Variants in TUSC3 observed in about 807,000 individuals in gnomAD.
TUSC3 encodes the protein dolichyl-diphosphooligosaccharide--protein glycosyltransferase subunit TUSC3.
In TUSC3, 45 loss-of-function variants were observed where a neutral mutation model predicts 44.8. The ratio of observed to expected loss-of-function variants is 1.00; its 90% CI spans 0.79 to 1.29. TUSC3 has a LOEUF of 1.29. Ranked by LOEUF, TUSC3 falls within the 50% of genes most tolerant of loss-of-function variation. TUSC3 has a pLI of 0.00. For synonymous variants in TUSC3, 212 were observed against 152.9 expected, an observed-to-expected ratio of 1.39 and a Z score of -2.85; for missense variants, 519 against 437.9, an observed-to-expected ratio of 1.19 and a Z score of -1.65.
At chr8:15,844,416 CAAAT>C in the TUSC3 span, among the ~76,000 whole-genome samples, 1 of 151,928 alleles carries the variant, frequency 6.6e-6, no homozygotes, top group Admixed American at 6.6e-5. Context: ...GAAAAATAAA[CAAAT>C]AATATGTGGC....
the TUSC3 span, among the ~76,000 whole-genome samples, chr8:15,798,803 T>C: frequency 1.3e-5 from 2 of 152,180 alleles, no homozygotes; most frequent in Admixed American, 1.3e-4. Flanking sequence ...CACTTTAATG[T>C]GGGACACCTG....
At chr8:15,621,314 C>G (rs946622837) in intron 1 of TUSC3, among the ~76,000 whole-genome samples, 5 of 151,314 alleles carry the variant, frequency 3.3e-5, no homozygotes, top group African/African-American at 7.3e-5. Context: ...AAGGCAAAAA[C>G]TATTAAATGG....
the TUSC3 span, among the ~76,000 whole-genome samples, chr8:15,844,488 G>A: frequency 6.6e-6 from 1 of 152,102 alleles, no homozygotes; most frequent in East Asian, 1.9e-4. Flanking sequence ...AAAGAGTTAT[G>A]ATGAACCCAA....
At chr8:15,506,196 T>C (rs1801047913) in intron 2 of TUSC3, among the ~76,000 whole-genome samples, 1 of 152,100 alleles carries the variant, frequency 6.6e-6, no homozygotes, top group Non-Finnish European at 1.5e-5. Context: ...AATAAAGGCC[T>C]CCAAAGCAGC....
chr8:15,815,476 T>A, the TUSC3 span, among the ~76,000 whole-genome samples: 4 of 151,996 alleles, frequency 2.6e-5, no homozygotes, highest in Non-Finnish European at 4.4e-5. Context: ...CTATTAGGAG[T>A]TATTAAAACT....
intron 1 of TUSC3, among the ~76,000 whole-genome samples, chr8:15,618,971 A>G (rs1029811012): frequency 5.3e-5 from 8 of 152,164 alleles, no homozygotes; most frequent in Non-Finnish European, 1.2e-4. Flanking sequence ...ACATGACTGT[A>G]TTTCTGTGGG....
At chr8:15,712,336 C>A (rs183007493) in intron 6 of TUSC3, among the ~76,000 whole-genome samples, 6 of 152,064 alleles carry the variant, frequency 3.9e-5, no homozygotes, top group African/African-American at 1.4e-4. Context: ...TGTTTAACTT[C>A]TGTCACTACC....
the TUSC3 span, among the ~76,000 whole-genome samples, chr8:15,834,322 C>G: frequency 6.6e-6 from 1 of 152,030 alleles, no homozygotes; most frequent in Non-Finnish European, 1.5e-5. Flanking sequence ...TACACTCTTT[C>G]TTTTTAGTTA....
At chr8:15,447,071 A>T (rs935019418) in intron 1 of TUSC3, among the ~76,000 whole-genome samples, 2 of 152,084 alleles carry the variant, frequency 1.3e-5, no homozygotes, top group Non-Finnish European at 2.9e-5. Context: ...AAATAGGATA[A>T]GATAATGAGA....
chr8:15,680,407 G>T (rs888655740), intron 6 of TUSC3, among the ~76,000 whole-genome samples: 3 of 151,910 alleles, frequency 2.0e-5, no homozygotes, highest in African/African-American at 7.2e-5. Flanking sequence ...TGACTTGAAC[G>T]TTATTGGTGT....
At chr8:15,808,997 G>C in the TUSC3 span, among the ~76,000 whole-genome samples, 2 of 152,062 alleles carry the variant, frequency 1.3e-5, no homozygotes, top group African/African-American at 4.8e-5. Context: ...CCCAAGTTTG[G>C]CTCCTCACTG....
chr8:15,746,447 C>T (rs566431096), intron 8 of TUSC3, among the ~76,000 whole-genome samples: 2 of 152,038 alleles, frequency 1.3e-5, no homozygotes, highest in South Asian at 4.2e-4. Context: ...TTAATATTTC[C>T]CAGGTCAGAA....
intron 10 of TUSC3, 70 bp downstream of exon 10, chr8:15,757,925 C>T (rs1812000310): frequency 6.8e-7 from 1 of 1,478,184 alleles, no homozygotes; most frequent in Non-Finnish European, 9.4e-7. Flanking sequence ...TAACATTTAT[C>T]TCATAAGACA....
intron 6 of TUSC3, among the ~76,000 whole-genome samples, chr8:15,677,359 A>G (rs1483574813): frequency 6.6e-6 from 1 of 152,168 alleles, no homozygotes; most frequent in African/African-American, 2.4e-5. Context: ...GACATTTTAT[A>G]TGCTTACAAA....
At chr8:15,793,413 G>A in the TUSC3 span, among the ~76,000 whole-genome samples, 11 of 151,944 alleles carry the variant, frequency 7.2e-5, no homozygotes, top group African/African-American at 2.7e-4. Context: ...CCACCTCAGG[G>A]CCTTTGCACT....
chr8:15,687,732 A>G (rs1808700260), intron 6 of TUSC3, among the ~76,000 whole-genome samples: 1 of 152,220 alleles, frequency 6.6e-6, no homozygotes, highest in African/African-American at 2.4e-5. Flanking sequence ...CTTCATGACA[A>G]AGCACTTCAC....
At chr8:15,727,025 C>A (rs538558657) in intron 6 of TUSC3, among the ~76,000 whole-genome samples, 2 of 151,970 alleles carry the variant, frequency 1.3e-5, no homozygotes, top group Non-Finnish European at 2.9e-5. Context: ...GTTACTGATA[C>A]GTCCCTCACT....
intron 1 of TUSC3, among the ~76,000 whole-genome samples, chr8:15,431,711 C>T (rs1221639838): frequency 1.3e-5 from 2 of 151,514 alleles, no homozygotes; most frequent in African/African-American, 2.4e-5. Flanking sequence ...TTGAATAGAA[C>T]TGGTAAGACT....
chr8:15,594,000 C>G (rs1004191079), intron 1 of TUSC3, among the ~76,000 whole-genome samples: 2 of 152,186 alleles, frequency 1.3e-5, no homozygotes, highest in Non-Finnish European at 2.9e-5. Context: ...TTGGCATGTA[C>G]TAACGATACT....
Sources: gnomAD v4.1 joint callset for allele counts (sites outside exome capture counted in the v4.1 genomes callset) on GRCh38, gnomAD v4.1.1 for gene constraint, MANE v1.5 for transcripts, NCBI Gene and HGNC (gene_info 2026-07-23, HGNC 2026-07-21) for gene names.